Variants in NRG1 observed in about 807,000 individuals in gnomAD.
The protein encoded by NRG1 is pro-neuregulin-1, membrane-bound isoform.
In NRG1, 18 loss-of-function variants were observed where a neutral mutation model predicts 63.8. The observed-to-expected ratio is 0.28, with a 90% CI of 0.19 to 0.42. The LOEUF is 0.42. Ranked by LOEUF, NRG1 falls within the 10% of genes least tolerant of loss-of-function variation. The pLI, the probability that NRG1 is intolerant of heterozygous loss-of-function variation, is 1.00. For missense variants in NRG1, 762 were observed against 814.7 expected, an observed-to-expected ratio of 0.94 and a Z score of 0.79; for synonymous variants, 302 against 301.3, an observed-to-expected ratio of 1.00 and a Z score of -0.02.
rs533705380 is a variant in NRG1 at position 32,182,627 on chromosome 8, GTCTC to G, written c.38-413195_38-413192del. Among the ~76,000 whole-genome samples, 43 of 152,258 alleles carry G rather than the reference GTCTC, an allele frequency of 2.8e-4. No homozygotes were observed. The South Asian group carries it at 8.9e-3, about 32-fold the overall frequency. ...TCCAGCTAATTCTCGCACTCTCACTGTCTCTCTCTTTCTCTCACCTTCCACTGAC... is the reference window on the plus strand; with the variant it reads ...TCCAGCTAATTCTCGCACTCTCACTGTCTCTTTCTCTCACCTTCCACTGAC... On this transcript the variant is annotated intron_variant, in intron 1 of 10. Coordinates refer to the NRG1 transcript ENST00000519301.
Position 32,257,750 on chromosome 8 carries a change from T to G in NRG1, c.38-338078T>G, listed in dbSNP as rs16879044. Among the ~76,000 whole-genome samples, 987 of 152,280 alleles carry G rather than the reference T, an allele frequency of 6.5e-3. 13 individuals carry two copies. The highest frequency in any genetic ancestry group is 0.022 in the African/African-American group (934 of 41,558). ...CATAAAAGGGGCAGGGCGACCCACT[T>G]CCTAAAAGACCACTATTGACTTGAA... On this transcript the variant is annotated intron_variant, in intron 1 of 10. Transcript: ENST00000519301.
chr8:32,480,395 C>T (rs1019082158), intron 1 of NRG1, among the ~76,000 whole-genome samples: 1 of 147,686 alleles, frequency 6.8e-6, no homozygotes, highest in Non-Finnish European at 1.5e-5. Flanking sequence ...AGCATGGTGA[C>T]CACAGTTAAA....
At chr8:32,613,108 A>T (rs1357347163) in intron 3 of NRG1, among the ~76,000 whole-genome samples, 1 of 151,990 alleles carries the variant, frequency 6.6e-6, no homozygotes, top group Non-Finnish European at 1.5e-5. Context: ...TGAGAAAATG[A>T]TGTACCCTCA....
intron 1 of NRG1, among the ~76,000 whole-genome samples, chr8:32,360,666 A>G (rs55668891): frequency 0.056 from 8,561 of 152,238 alleles, 316 homozygotes; most frequent in Middle Eastern, 0.099. Context: ...AAAAAGGGCC[A>G]TTGAATTGTG....
At chr8:32,731,966 T>C (rs1229831210) in intron 6 of NRG1, among the ~76,000 whole-genome samples, 1 of 152,234 alleles carries the variant, frequency 6.6e-6, no homozygotes, top group Non-Finnish European at 1.5e-5. Context: ...GGTCACCTAA[T>C]CTGCTGTTGT....
At chr8:31,952,540 A>G (rs1803641517) in intron 1 of NRG1, among the ~76,000 whole-genome samples, 1 of 152,220 alleles carries the variant, frequency 6.6e-6, no homozygotes, top group Non-Finnish European at 1.5e-5. Flanking sequence ...AGATATTTGA[A>G]GTGTTTAAAT....
chr8:32,184,997 T>C (rs1182350401), intron 1 of NRG1, among the ~76,000 whole-genome samples: 1 of 152,216 alleles, frequency 6.6e-6, no homozygotes, highest in African/African-American at 2.4e-5. Flanking sequence ...GCCTTGTAGA[T>C]GACATTCTGG....
intron 1 of NRG1, among the ~76,000 whole-genome samples, chr8:32,219,787 G>C (rs888578749): frequency 6.6e-6 from 1 of 152,144 alleles, no homozygotes; most frequent in African/African-American, 2.4e-5. Flanking sequence ...TTTAATTAAA[G>C]GTGTTCTAGT....
At chr8:31,829,471 A>G (rs1824897913) in intron 1 of NRG1, among the ~76,000 whole-genome samples, 1 of 152,232 alleles carries the variant, frequency 6.6e-6, no homozygotes. Context: ...TGGCAGATGG[A>G]CAGACCATAT....
chr8:31,820,448 C>T (rs1486945718), intron 1 of NRG1, among the ~76,000 whole-genome samples: 2 of 152,198 alleles, frequency 1.3e-5, no homozygotes, highest in African/African-American at 4.8e-5. Flanking sequence ...CTCTAAACCT[C>T]TCAGGAACAG....
At chr8:31,727,162 T>C (rs1813535703) in intron 1 of NRG1, among the ~76,000 whole-genome samples, 2 of 152,132 alleles carry the variant, frequency 1.3e-5, no homozygotes, top group African/African-American at 2.4e-5. Context: ...TCCCTACATT[T>C]AAGGAGCTTA....
intron 1 of NRG1, among the ~76,000 whole-genome samples, chr8:32,325,746 A>G (rs1216575060): frequency 1.3e-5 from 2 of 152,194 alleles, no homozygotes; most frequent in African/African-American, 2.4e-5. Flanking sequence ...AATAAAGAAT[A>G]AATTAAAAAT....
intron 1 of NRG1, among the ~76,000 whole-genome samples, chr8:31,687,195 G>A (rs953639842): frequency 6.6e-6 from 1 of 152,174 alleles, no homozygotes; most frequent in Non-Finnish European, 1.5e-5. Context: ...AAAGAGAAGC[G>A]ACAGCACAGA....
rs1362083453 is a variant in NRG1 at position 31,846,654 on chromosome 8, A to C, written c.37+207223A>C. ...AACATAATGTACAATGGAATGTGTC[A>C]TAAGGGGAGTGCACACAATGCTGTA... On this transcript the variant is annotated intron_variant, in intron 1 of 10. Transcript: ENST00000519301. Among the ~76,000 whole-genome samples, 3 of 152,230 alleles carry C rather than the reference A, an allele frequency of 2.0e-5. No homozygotes were observed. In the East Asian group the frequency reaches 5.8e-4, roughly 29 times the overall value.
chr8:31,892,681 A>G (rs988221043), intron 1 of NRG1, among the ~76,000 whole-genome samples: 3 of 152,086 alleles, frequency 2.0e-5, no homozygotes, highest in Non-Finnish European at 2.9e-5. Context: ...ATTTTGCTGT[A>G]TATCACGTTG....
chr8:32,066,319 G>C (rs948512691), intron 1 of NRG1, among the ~76,000 whole-genome samples: 1 of 152,124 alleles, frequency 6.6e-6, no homozygotes, highest in African/African-American at 2.4e-5. Flanking sequence ...AATGGTTTTA[G>C]GTCTAACATT....
At chr8:32,202,706 A>G (rs889836809) in intron 1 of NRG1, among the ~76,000 whole-genome samples, 3 of 151,658 alleles carry the variant, frequency 2.0e-5, no homozygotes, top group South Asian at 2.1e-4. Flanking sequence ...CCTGTAGTTC[A>G]TCGGTCCCGT....
intron 1 of NRG1, among the ~76,000 whole-genome samples, chr8:32,331,898 G>A (rs1005213096): frequency 5.3e-5 from 8 of 152,082 alleles, no homozygotes; most frequent in Admixed American, 3.9e-4. Context: ...ACATCAGCTT[G>A]CTCAATGAAT....
At chr8:31,847,152 A>G (rs1471430294) in intron 1 of NRG1, among the ~76,000 whole-genome samples, 1 of 152,228 alleles carries the variant, frequency 6.6e-6, no homozygotes, top group Non-Finnish European at 1.5e-5. Context: ...ACTTTGACTT[A>G]TCCATACTAA....
Sources: allele counts gnomAD v4.1 joint callset (sites outside exome capture counted in the v4.1 genomes callset), GRCh38; gene constraint gnomAD v4.1.1; transcripts MANE v1.5; gene names NCBI Gene and HGNC (gene_info 2026-07-23, HGNC 2026-07-21).